Variants in ARHGAP44 observed in about 807,000 individuals in gnomAD.
ARHGAP44 encodes Rho GTPase activating protein 44, also known as rho GTPase-activating protein 44.
ARHGAP44 carries 43 observed loss-of-function variants against 106.8 expected under a neutral mutation model. The observed-to-expected ratio is 0.40, with a 90% CI of 0.32 to 0.52. The LOEUF (loss-of-function observed/expected upper bound fraction) is 0.52, where lower values mean the gene tolerates loss of function less well. Ranked by LOEUF, ARHGAP44 falls within the 20% of genes least tolerant of loss-of-function variation. ARHGAP44 has a pLI of 0.48. For missense variants in ARHGAP44, 866 were observed against 1,050.5 expected (o/e 0.82, Z 2.43); for synonymous variants, 439 against 410.3 (o/e 1.07, Z -0.85).
intron 3 of ARHGAP44, among the ~76,000 whole-genome samples, chr17:12,900,169 G>C (rs553686844): frequency 6.7e-6 from 1 of 149,698 alleles, no homozygotes; most frequent in Non-Finnish European, 1.5e-5. Context: ...TTGCTCTGTC[G>C]CCCAGGCTGG....
Sources: allele counts gnomAD v4.1 joint callset (sites outside exome capture counted in the v4.1 genomes callset), GRCh38; gene constraint gnomAD v4.1.1; transcripts MANE v1.5; gene names NCBI Gene and HGNC (gene_info 2026-07-23, HGNC 2026-07-21).